The following NRXN1 variants were observed in gnomAD, a reference collection of about 807,000 sequenced individuals.
NRXN1 encodes the protein neurexin-1.
NRXN1 carries 39 observed loss-of-function variants against 150.9 expected under a neutral mutation model. The ratio of observed to expected loss-of-function variants is 0.26; its 90% CI spans 0.20 to 0.34. The LOEUF (loss-of-function observed/expected upper bound fraction) is 0.34, where lower values mean the gene tolerates loss of function less well. Among genes scored for constraint, NRXN1 ranks in the 10% least tolerant of loss-of-function variants. The pLI, the probability that NRXN1 is intolerant of heterozygous loss-of-function variation, is 1.00. For synonymous variants in NRXN1, 924 were observed against 757.0 expected (o/e 1.22, Z -3.62); for missense variants, 1,815 against 1,949.9 (o/e 0.93, Z 1.30).
At chr2:50,821,952 T>C (rs1020888042) in intron 5 of NRXN1, among the ~76,000 whole-genome samples, 15 of 152,068 alleles carry the variant, frequency 9.9e-5, no homozygotes, top group African/African-American at 3.4e-4. Flanking sequence ...TGAGGGAAAA[T>C]ACAGAATGAA....
chr2:50,523,035 T>A (rs1313836842), intron 12 of NRXN1, among the ~76,000 whole-genome samples: 1 of 152,092 alleles, frequency 6.6e-6, no homozygotes, highest in East Asian at 1.9e-4. Context: ...GCACCCAGCC[T>A]CAATTTCGAT....
At chr2:50,329,609 GTGTGTGTGTATATATATATA>G (rs1390847126) in intron 17 of NRXN1, among the ~76,000 whole-genome samples, 1 of 24,774 alleles carries the variant, frequency 4.0e-5, no homozygotes, top group African/African-American at 1.7e-4. Flanking sequence ...GTGTGTGTGT[GTGTGTGTGTATATATATATA>G]TATATATATA....
At chr2:50,197,351 A>C (rs2152829527) in intron 18 of NRXN1, among the ~76,000 whole-genome samples, 1 of 152,244 alleles carries the variant, frequency 6.6e-6, no homozygotes, top group African/African-American at 2.4e-5. Flanking sequence ...GATCATGAAC[A>C]TTTAAATTTG....
At chr2:50,403,868 T>C (rs2082561842) in intron 17 of NRXN1, among the ~76,000 whole-genome samples, 1 of 152,140 alleles carries the variant, frequency 6.6e-6, no homozygotes. Context: ...AAGAGGGCCG[T>C]AGCTTCCATT....
chr2:50,052,825 T>A (rs1692937328), intron 21 of NRXN1, among the ~76,000 whole-genome samples: 1 of 152,132 alleles, frequency 6.6e-6, no homozygotes, highest in South Asian at 2.1e-4. Context: ...ACTTTAAACT[T>A]CAAAATACTA....
At chr2:50,806,104 C>T (rs1360125527) in intron 5 of NRXN1, among the ~76,000 whole-genome samples, 2 of 152,138 alleles carry the variant, frequency 1.3e-5, no homozygotes, top group Non-Finnish European at 2.9e-5. Flanking sequence ...ACATTCCTTG[C>T]TATACATAAT....
chr2:50,871,561 C>A (rs1026957789), intron 5 of NRXN1, among the ~76,000 whole-genome samples: 8 of 151,796 alleles, frequency 5.3e-5, no homozygotes, highest in African/African-American at 1.7e-4. Flanking sequence ...AATATACAGG[C>A]ACAGGCCACA....
intron 21 of NRXN1, among the ~76,000 whole-genome samples, chr2:49,951,240 C>CA (rs1349629600): frequency 6.6e-6 from 1 of 151,678 alleles, no homozygotes; most frequent in Admixed American, 6.6e-5. Context: ...TTTGAGTAAT[C>CA]AAAAAATAAC....
At chr2:50,085,582 T>A (rs1290095726) in intron 19 of NRXN1, among the ~76,000 whole-genome samples, 1 of 152,120 alleles carries the variant, frequency 6.6e-6, no homozygotes, top group Non-Finnish European at 1.5e-5. Context: ...GTTTCTCTAG[T>A]AAAGTTAGAA....
intron 21 of NRXN1, among the ~76,000 whole-genome samples, chr2:50,016,832 C>T (rs2152553793): frequency 6.6e-6 from 1 of 152,248 alleles, no homozygotes; most frequent in South Asian, 2.1e-4. Context: ...TGTCCTCAGA[C>T]ACAGAAGCAA....
chr2:50,598,823 T>A (rs1053578272), intron 8 of NRXN1, among the ~76,000 whole-genome samples: 5 of 151,580 alleles, frequency 3.3e-5, no homozygotes, highest in Non-Finnish European at 7.4e-5. Context: ...AGTGCTGTGA[T>A]CTTGGCTCAC....
intron 2 of NRXN1, among the ~76,000 whole-genome samples, chr2:50,961,783 A>T (rs1404640871): frequency 6.6e-6 from 1 of 151,732 alleles, no homozygotes; most frequent in Non-Finnish European, 1.5e-5. Context: ...ATGTTGAATC[A>T]GGGTCAACAA....
At chr2:50,795,217 G>A (rs1029041970) in intron 5 of NRXN1, among the ~76,000 whole-genome samples, 4 of 152,020 alleles carry the variant, frequency 2.6e-5, no homozygotes, top group African/African-American at 4.8e-5. Flanking sequence ...TGGAGGGTTT[G>A]GTAAGTAGGT....
chr2:50,306,394 G>C (rs2074612408), intron 17 of NRXN1, among the ~76,000 whole-genome samples: 1 of 152,174 alleles, frequency 6.6e-6, no homozygotes, highest in African/African-American at 2.4e-5. Flanking sequence ...CAGCCTGAAA[G>C]TAGTGCTCAG....
chr2:50,743,935 C>T (rs761449729), intron 5 of NRXN1, among the ~76,000 whole-genome samples: 1 of 152,204 alleles, frequency 6.6e-6, no homozygotes, highest in East Asian at 1.9e-4. Flanking sequence ...TACTCACTAG[C>T]TTTGAAACTA....
intron 5 of NRXN1, among the ~76,000 whole-genome samples, chr2:50,671,759 A>G (rs988332084): frequency 4.0e-5 from 6 of 151,858 alleles, no homozygotes; most frequent in Non-Finnish European, 5.9e-5. Flanking sequence ...CCATCAATAT[A>G]TATTTTGCTA....
At chr2:50,062,166 T>C (rs561616955) in intron 19 of NRXN1, among the ~76,000 whole-genome samples, 2 of 152,326 alleles carry the variant, frequency 1.3e-5, no homozygotes, top group South Asian at 2.1e-4. Flanking sequence ...CCTATTTGTA[T>C]AGACTGAATG....
intron 21 of NRXN1, among the ~76,000 whole-genome samples, chr2:50,019,035 A>G (rs1486026866): frequency 6.6e-6 from 1 of 152,222 alleles, no homozygotes; most frequent in Non-Finnish European, 1.5e-5. Context: ...GCACAAGGTT[A>G]GGTAACAAGC....
chr2:50,514,238 C>T (rs2092559637), intron 12 of NRXN1, among the ~76,000 whole-genome samples: 1 of 152,214 alleles, frequency 6.6e-6, no homozygotes, highest in African/African-American at 2.4e-5. Context: ...ATACTAGAAT[C>T]ACCTTATATG....
Sources: gnomAD v4.1 joint callset for allele counts (sites outside exome capture counted in the v4.1 genomes callset) on GRCh38, gnomAD v4.1.1 for gene constraint, MANE v1.5 for transcripts, NCBI Gene and HGNC (gene_info 2026-07-23, HGNC 2026-07-21) for gene names.